Variants in MASP1 observed in about 807,000 individuals in gnomAD.
MASP1 encodes the protein mannan-binding lectin serine protease 1.
MASP1 carries 59 observed loss-of-function variants against 77.1 expected under a neutral mutation model. The ratio of observed to expected loss-of-function variants is 0.77; its 90% CI spans 0.62 to 0.95. The LOEUF is 0.95. MASP1 is among the 40% of genes least tolerant of loss of function. MASP1 has a pLI of 0.00. For synonymous variants in MASP1, 362 were observed against 354.5 expected (o/e 1.02, Z -0.24); for missense variants, 885 against 912.9 (o/e 0.97, Z 0.39).
In MASP1 at chr3:187,260,720, A is replaced by G. The variant is rs536863914; in HGVS notation, c.547+21T>C. On this transcript the variant is annotated intron_variant, in intron 4 of 10. Coordinates refer to ENST00000296280, the MANE Select transcript of MASP1 (RefSeq NM_139125.4). Reference sequence around the variant, plus strand: ...GATGTGGCCTATAAGGGCAATGCATACAATCATTGGTAGGCTCTACCTCGG... The same window carrying G: ...GATGTGGCCTATAAGGGCAATGCATGCAATCATTGGTAGGCTCTACCTCGG... 22 of 1,614,156 alleles carry G rather than the reference A, an allele frequency of 1.4e-5. No homozygotes were observed. In the African/African-American group the frequency reaches 2.1e-4, roughly 16 times the overall value.
rs762586515 is a variant in MASP1 at position 187,256,788 on chromosome 3, G to C, written c.620C>G (p.Pro207Arg). ...ITSPDFPNPYPKSSECLYTIE... is the reference protein window; with the variant it reads ...ITSPDFPNPYRKSSECLYTIE... Reference sequence around the variant, plus strand: ...GGTATACAGGCATTCAGAGCTCTTGGGGTAAGGGTTTGGGAAGTCAGGGCT... The same window carrying C: ...GGTATACAGGCATTCAGAGCTCTTGCGGTAAGGGTTTGGGAAGTCAGGGCT... Residue 207 changes from proline to arginine, a missense_variant, in exon 5 of 11, where the codon CCC becomes CGC. Coordinates refer to ENST00000296280, the MANE Select transcript of MASP1 (RefSeq NM_139125.4). 1 of 1,613,932 alleles carries C rather than the reference G, an allele frequency of 6.2e-7. No homozygotes were observed. The highest frequency in any genetic ancestry group is 8.5e-7 in the Non-Finnish European group (1 of 1,179,994).
intron 11 of MASP1, among the ~76,000 whole-genome samples, chr3:187,228,749 C>A (rs1712588519): frequency 6.6e-6 from 1 of 152,194 alleles, no homozygotes; most frequent in African/African-American, 2.4e-5. Flanking sequence ...CCCTATAATA[C>A]CTTCCCTCAC....
At chr3:187,248,958 G>A (rs942268831) in intron 8 of MASP1, among the ~76,000 whole-genome samples, 6 of 152,226 alleles carry the variant, frequency 3.9e-5, no homozygotes, top group Non-Finnish European at 8.8e-5. Flanking sequence ...GCTGAATCAA[G>A]GCCATGTAGG....
intron 11 of MASP1, among the ~76,000 whole-genome samples, chr3:187,227,040 G>A (rs1370763276): frequency 6.6e-6 from 1 of 152,178 alleles, no homozygotes; most frequent in African/African-American, 2.4e-5. Flanking sequence ...TGATGAATCC[G>A]AAGCTACCTA....
chr3:187,245,398 C>T (rs1030781696), intron 8 of MASP1, among the ~76,000 whole-genome samples: 2 of 152,092 alleles, frequency 1.3e-5, no homozygotes, highest in Non-Finnish European at 2.9e-5. Context: ...CCCTGGGAGC[C>T]TGTTATGTGG....
intron 1 of MASP1, among the ~76,000 whole-genome samples, chr3:187,290,160 G>A (rs1054725762): frequency 1.3e-5 from 2 of 152,138 alleles, no homozygotes; most frequent in Non-Finnish European, 2.9e-5. Context: ...ATTTAAACAA[G>A]GGGATACTAC....
chr3:187,262,444 G>A, intron 3 of MASP1, 99 bp downstream of exon 3: 1 of 1,152,456 alleles, frequency 8.7e-7, no homozygotes, highest in Non-Finnish European at 1.3e-6. Flanking sequence ...TCTATGTGGT[G>A]CACACACAGA....
chr3:187,290,343 T>A (rs1718209192), intron 1 of MASP1, among the ~76,000 whole-genome samples: 1 of 152,170 alleles, frequency 6.6e-6, no homozygotes. Context: ...GGTTGAGGGA[T>A]GAGCATATGC....
intron 2 of MASP1, among the ~76,000 whole-genome samples, chr3:187,274,072 C>T (rs1716753195): frequency 6.6e-6 from 1 of 152,032 alleles, no homozygotes; most frequent in South Asian, 2.1e-4. Context: ...GCCGGGCGTC[C>T]TGGCGGGCAC....
chr3:187,282,862 C>A (rs1038502126), intron 2 of MASP1, among the ~76,000 whole-genome samples: 1 of 152,202 alleles, frequency 6.6e-6, no homozygotes, highest in African/African-American at 2.4e-5. Flanking sequence ...CCATGTTAAT[C>A]TCTTCTTTGA....
chr3:187,257,714 G>C (rs1002594750), intron 4 of MASP1, among the ~76,000 whole-genome samples: 1 of 152,006 alleles, frequency 6.6e-6, no homozygotes, highest in African/African-American at 2.4e-5. Context: ...CAGCCTGAAG[G>C]GTTCTGCGTA....
intron 2 of MASP1, among the ~76,000 whole-genome samples, chr3:187,279,469 C>T (rs1027124522): frequency 6.6e-5 from 10 of 151,868 alleles, no homozygotes; most frequent in African/African-American, 2.4e-4. Flanking sequence ...CTTTTTTTTA[C>T]ACCCCCAAAT....
intron 1 of MASP1, among the ~76,000 whole-genome samples, chr3:187,286,722 A>G (rs1293642893): frequency 6.6e-6 from 1 of 152,244 alleles, no homozygotes; most frequent in Non-Finnish European, 1.5e-5. Context: ...ATAACGAGGC[A>G]GAATGACTAA....
intron 2 of MASP1, among the ~76,000 whole-genome samples, chr3:187,273,681 G>C: frequency 6.6e-6 from 1 of 152,180 alleles, no homozygotes; most frequent in East Asian, 1.9e-4. Flanking sequence ...TTCAGTCAGT[G>C]ATCTGAGTAG....
At chr3:187,229,661 A>C, downstream of MASP1, 2 of 1,466,866 alleles carry the variant, frequency 1.4e-6, no homozygotes, top group Non-Finnish European at 1.9e-6. Flanking sequence ...CTGTGCCCTG[A>C]TGCTAGTGTG....
intron 2 of MASP1, among the ~76,000 whole-genome samples, chr3:187,269,418 G>T (rs1716333213): frequency 6.6e-6 from 1 of 152,170 alleles, no homozygotes; most frequent in Non-Finnish European, 1.5e-5. Context: ...AGGCTCCTGA[G>T]CCTCAGGTTT....
chr3:187,280,570 G>A (rs1012141613), intron 2 of MASP1, among the ~76,000 whole-genome samples: 1 of 152,146 alleles, frequency 6.6e-6, no homozygotes, highest in African/African-American at 2.4e-5. Flanking sequence ...CTCAACCAAA[G>A]GAACTTTAAT....
intron 8 of MASP1, 42 bp downstream of exon 8, chr3:187,250,209 G>A (rs1323692242): frequency 4.6e-6 from 7 of 1,517,170 alleles, no homozygotes; most frequent in Non-Finnish European, 6.4e-6. Flanking sequence ...GCCAGTGCTG[G>A]GGAGCTCAGT....
exon 14 of MASP1, chr3:187,223,165 T>C (rs763462705): frequency 1.2e-6 from 2 of 1,614,062 alleles, no homozygotes; most frequent in Non-Finnish European, 1.7e-6. Flanking sequence ...AAGAACTGCT[T>C]CCCCCAGCCG....
Sources: gnomAD v4.1 joint callset for allele counts (sites outside exome capture counted in the v4.1 genomes callset) on GRCh38, gnomAD v4.1.1 for gene constraint, MANE v1.5 for transcripts, NCBI Gene and HGNC (gene_info 2026-07-23, HGNC 2026-07-21) for gene names.